The following CCDC24 variants were observed in gnomAD, a reference collection of about 807,000 sequenced individuals.
CCDC24 encodes the protein coiled-coil domain containing 24.
CCDC24 carries 34 observed loss-of-function variants against 31.6 expected under a neutral mutation model. The observed-to-expected ratio is 1.08, with a 90% CI of 0.82 to 1.43. The LOEUF is 1.43. Ranked by LOEUF, CCDC24 falls within the 40% of genes most tolerant of loss-of-function variation. The pLI is 0.00. For synonymous variants in CCDC24, 175 were observed against 157.3 expected, an observed-to-expected ratio of 1.11 and a Z score of -0.84; for missense variants, 426 against 391.1, an observed-to-expected ratio of 1.09 and a Z score of -0.75.
chr1:43,994,445 T>TCTTTC (rs1553157944), intron 5 of CCDC24: 80 of 134,644 alleles, frequency 5.9e-4, no homozygotes, highest in African/African-American at 2.4e-3. Context: ...TTTCTTTCTT[T>TCTTTC]TTTTTTTTTT....
At chr1:43,993,777 T>C in intron 4 of CCDC24, 110 bp from the exon 5 acceptor site, 1 of 1,003,672 alleles carries the variant, frequency 1.0e-6, no homozygotes, top group South Asian at 1.4e-5. Flanking sequence ...CTCTTTGCAC[T>C]ATATTATATT....
Position 43,996,020 on chromosome 1 carries a change from C to G in CCDC24, c.784C>G (p.Pro262Ala). Residue 262 changes from proline (P) to alanine (A), a missense_variant, in exon 9 of 9, where the codon CCT becomes GCT. Physicochemically the swap from Pro to Ala is conservative, Grantham distance 27. Transcript: ENST00000372318. ...CGVAPLQCCL[P>A]APPLEPYLRP... ...GGTTGCACCTCTCCAGTGCTGCCTG[C>G]CTGCACCTCCTCTGGAGCCCTACCT... 6.2e-7 allele frequency: 1 copy of G among 1,614,204 alleles called. No individual in the cohort carries two copies. The highest frequency in any genetic ancestry group is 1.7e-5 in the Admixed American group (1 of 60,028).
chr1:43,994,804 C>T (rs746597966), intron 5 of CCDC24: 61 of 454,044 alleles, frequency 1.3e-4, no homozygotes, highest in Admixed American at 3.9e-4. Context: ...TTTTAAGCAG[C>T]GGAAGGGCTG....
chr1:43,992,781 C>A, intron 4 of CCDC24, 142 bp downstream of exon 4: 1 of 750,416 alleles, frequency 1.3e-6, no homozygotes, highest in Non-Finnish European at 2.3e-6. Flanking sequence ...AGATTATCAG[C>A]CCATGAGGGC....
chr1:43,993,500 G>T (rs1159458554), intron 4 of CCDC24, among the ~76,000 whole-genome samples: 5 of 151,494 alleles, frequency 3.3e-5, no homozygotes, highest in African/African-American at 1.2e-4. Context: ...CAAAAAAATT[G>T]AACAGGCGTG....
At chr1:43,994,442 C>CTT (rs1553157967) in intron 5 of CCDC24, 3 of 143,160 alleles carry the variant, frequency 2.1e-5, no homozygotes, top group Non-Finnish European at 4.5e-5. Context: ...TTCTTTCTTT[C>CTT]TTTTTTTTTT....
intron 5 of CCDC24, chr1:43,994,718 G>A (rs2085800670): frequency 4.4e-6 from 1 of 224,846 alleles, no homozygotes; most frequent in South Asian, 8.5e-5. Context: ...TGGGATTACA[G>A]GCATGAGCCA....
intron 5 of CCDC24, chr1:43,994,785 G>A (rs1479765106): frequency 3.1e-5 from 13 of 419,738 alleles, no homozygotes; most frequent in Middle Eastern, 6.3e-4. Flanking sequence ...GGTAGCCTGT[G>A]TCAGAGGATT....
chr1:43,993,767 C>T, intron 4 of CCDC24, 120 bp from the exon 5 acceptor site: 2 of 896,460 alleles, frequency 2.2e-6, no homozygotes, highest in South Asian at 3.1e-5. Flanking sequence ...CAAACTCTTA[C>T]TCTTTGCACT....
intron 5 of CCDC24, chr1:43,994,867 A>C (rs2085805143): frequency 1.7e-6 from 1 of 581,030 alleles, no homozygotes; most frequent in Admixed American, 3.0e-5. Flanking sequence ...AGTGTGGGAG[A>C]GAGAAGGATG....
intron 2 of CCDC24, 27 bp from the exon 3 acceptor site, chr1:43,992,185 C>T (rs2085757766): frequency 6.3e-7 from 1 of 1,594,716 alleles, no homozygotes; most frequent in South Asian, 1.1e-5. Flanking sequence ...CCTCCCCAGT[C>T]GCAAGGTATC....
rs142803641 is a variant in CCDC24, at chr1:43,992,571, T to C, written c.351T>C (p.Phe117=). 6.2e-7 allele frequency: 1 copy of C among 1,614,212 alleles called. No individual in the cohort carries two copies. The highest frequency in any genetic ancestry group is 8.5e-7 in the Non-Finnish European group (1 of 1,180,032). ...AGTATAGCCCCAGGGTCCTGCACTTTGCCTTGGAGGAGCCCAGGTGTGATT... is the reference window on the plus strand; with the variant it reads ...AGTATAGCCCCAGGGTCCTGCACTTCGCCTTGGAGGAGCCCAGGTGTGATT... The part of the protein sequence containing the change: ...WVQYSPRVLH[F]ALEEPRCDLP... The change falls in exon 4 of 9, where the codon TTT becomes TTC. Residue 117 remains phenylalanine (F), a synonymous_variant. Transcript: ENST00000372318.
chr1:43,992,030 C>A (rs1172343753), intron 2 of CCDC24, 26 bp downstream of exon 2: 28 of 1,476,466 alleles, frequency 1.9e-5, no homozygotes, highest in Non-Finnish European at 2.4e-5. Flanking sequence ...GTGGGCCACG[C>A]CCCTGGCCTG....
chr1:43,993,285 G>A (rs1339711354), intron 4 of CCDC24, among the ~76,000 whole-genome samples: 10 of 148,678 alleles, frequency 6.7e-5, no homozygotes, highest in Non-Finnish European at 1.2e-4. Flanking sequence ...TACAAAAAGT[G>A]AAAAAAAAAA....
At chr1:43,992,955 G>T (rs113428979) in intron 4 of CCDC24, among the ~76,000 whole-genome samples, 1 of 152,386 alleles carries the variant, frequency 6.6e-6, no homozygotes, top group African/African-American at 2.4e-5. Context: ...CCAGCAGGCG[G>T]TTGTTCCTCT....
At chr1:43,992,165 C>T (rs764542447) in intron 2 of CCDC24, 47 bp from the exon 3 acceptor site, 5 of 1,571,410 alleles carry the variant, frequency 3.2e-6, no homozygotes, top group Non-Finnish European at 4.3e-6. Flanking sequence ...CCCACCATTC[C>T]GGACACTCCC....
rs1310642671 is a variant in CCDC24, at chr1:43,992,313, C to T, written c.228C>T (p.Leu76=). Residue 76 remains leucine, a synonymous_variant, in exon 3 of 9, where the codon CTC becomes CTT. Coordinates refer to ENST00000372318, the MANE Select transcript of CCDC24 (RefSeq NM_152499.4). ...CTTCTCTTCTGGCACCACCGCCTCT[C>T]CTAAAGGACCTCTTGCGCCAGGAGC... The part of the protein sequence containing the change: ...DPSSLLAPPP[L]LKDLLRQELR... 1 of 1,614,052 alleles carries T rather than the reference C, an allele frequency of 6.2e-7. No individual in the cohort carries two copies.
Position 43,995,274 on chromosome 1 carries a change from A to G in CCDC24, c.552+112A>G, listed in dbSNP as rs2085819672. ...CATAGGTGCATGTACAGGCTATGTG[A>G]GTCCTGCATCCATTTCTCAGGGGTG... On this transcript the variant is annotated intron_variant, in intron 6 of 8. Coordinates refer to ENST00000372318, the MANE Select transcript of CCDC24 (RefSeq NM_152499.4). This position sits in a 1 kb window ranked among gnomAD's most constrained non-coding sequence, Gnocchi z 4.3. 3.7e-6 allele frequency: 4 copies of G among 1,087,104 alleles called. No individual in the cohort carries two copies. The Admixed American group carries it at 6.2e-5, about 17-fold the overall frequency. The allele number at this position is 1,087,104 out of a possible 1,614,324, so 67.3% of individuals were successfully genotyped here.
chr1:43,996,350 C>A lies in CCDC24; in HGVS notation c.*190C>A, dbSNP rs778297827. ...ATCCCTGGTGTCTGGAGCTGAGTGG[C>A]CGGGCATCGGTCCCAAGCATCAAAG... On this transcript the variant is annotated 3_prime_UTR_variant, in exon 9 of 9. Coordinates refer to ENST00000372318, the MANE Select transcript of CCDC24 (RefSeq NM_152499.4). 1.7e-5 allele frequency: 10 copies of A among 573,054 alleles called. No individual in the cohort carries two copies. Among genetic ancestry groups the A allele is most frequent in the Middle Eastern group, 4.5e-4 (1 of 2,222 alleles). The allele number at this position is 573,054 out of a possible 1,614,324, so 35.5% of individuals were successfully genotyped here. A position where few individuals can be genotyped will look rare whatever the true frequency, so the allele number is the denominator to read the frequency against.
Sources: gnomAD v4.1 joint callset for allele counts (sites outside exome capture counted in the v4.1 genomes callset) on GRCh38, gnomAD v4.1.1 for gene constraint, Gnocchi (gnomAD v3.1) non-coding constraint, MANE v1.5 for transcripts, NCBI Gene and HGNC (gene_info 2026-07-23, HGNC 2026-07-21) for gene names.